Variants in CCDC192 observed in about 807,000 individuals in gnomAD.
CCDC192 encodes coiled-coil domain containing 192.
chr5:127,859,982 G>A (rs1419736967), intron 5 of CCDC192, among the ~76,000 whole-genome samples: 4 of 151,880 alleles, frequency 2.6e-5, no homozygotes, highest in South Asian at 2.1e-4. Flanking sequence ...AGTTTTGTGC[G>A]TACTGGAATG....
At chr5:127,816,715 C>A (rs1749041641) in intron 5 of CCDC192, among the ~76,000 whole-genome samples, 1 of 152,134 alleles carries the variant, frequency 6.6e-6, no homozygotes, top group Admixed American at 6.5e-5. Context: ...TGAATTCTGG[C>A]ATAAATGTTT....
chr5:127,777,537 G>A lies in CCDC192; in HGVS notation c.223-19566G>A, dbSNP rs556869332. On this transcript the variant is annotated intron_variant, in intron 3 of 6. Coordinates refer to ENST00000514853, the MANE Select transcript of CCDC192 (RefSeq NM_001317938.2). ...AGTTAAGACTTTTGGGGACTGTTGGGAAGGCACGATTGGTTTTGGAATGTG... is the reference window on the plus strand; with the variant it reads ...AGTTAAGACTTTTGGGGACTGTTGGAAAGGCACGATTGGTTTTGGAATGTG... 3.9e-5 allele frequency among the ~76,000 whole-genome samples: 6 copies of A among 152,324 alleles called. No homozygotes were observed. The South Asian group carries it at 1.0e-3, about 26-fold the overall frequency.
chr5:127,927,286 T>C (rs1162588843), intron 6 of CCDC192, among the ~76,000 whole-genome samples: 1 of 152,192 alleles, frequency 6.6e-6, no homozygotes, highest in African/African-American at 2.4e-5. Context: ...AACTGTTCTA[T>C]TTTACTATTA....
intron 5 of CCDC192, among the ~76,000 whole-genome samples, chr5:127,805,444 T>C (rs1757728186): frequency 6.6e-6 from 1 of 152,240 alleles, no homozygotes; most frequent in Non-Finnish European, 1.5e-5. Flanking sequence ...TTGCTGCATA[T>C]ATATGCCAAT....
intron 6 of CCDC192, among the ~76,000 whole-genome samples, chr5:127,939,892 C>T (rs1195751324): frequency 6.6e-6 from 1 of 152,184 alleles, no homozygotes; most frequent in East Asian, 1.9e-4. Context: ...GACCACGCAT[C>T]AGGTTCATTC....
At chr5:127,892,600 G>A (rs1474354332) in intron 6 of CCDC192, among the ~76,000 whole-genome samples, 2 of 152,102 alleles carry the variant, frequency 1.3e-5, no homozygotes, top group Admixed American at 6.5e-5. Context: ...TTTTATCTTT[G>A]TGAGCTCTAG....
At chr5:127,762,699 T>C (rs950769433) in intron 3 of CCDC192, among the ~76,000 whole-genome samples, 2 of 152,216 alleles carry the variant, frequency 1.3e-5, no homozygotes, top group Non-Finnish European at 2.9e-5. Flanking sequence ...AATGTGACTT[T>C]CTTGTCTTGG....
intron 3 of CCDC192, among the ~76,000 whole-genome samples, chr5:127,776,566 G>T (rs536137355): frequency 2.0e-5 from 3 of 152,200 alleles, no homozygotes; most frequent in Non-Finnish European, 4.4e-5. Context: ...AAGTAATGAG[G>T]AGCCAAATGT....
At chr5:127,784,963 T>G (rs1243283130) in intron 3 of CCDC192, 1 of 474,448 alleles carries the variant, frequency 2.1e-6, no homozygotes, top group African/African-American at 2.0e-5. Context: ...CAATTCCACC[T>G]CATCAGCATT....
chr5:127,706,437 G>C (rs985883952), intron 1 of CCDC192, among the ~76,000 whole-genome samples: 1 of 145,352 alleles, frequency 6.9e-6, no homozygotes, highest in Non-Finnish European at 1.5e-5. Context: ...TGAGGCAGTA[G>C]AATCACTTGA....
intron 2 of CCDC192, among the ~76,000 whole-genome samples, chr5:127,716,097 A>AG (rs1751608314): frequency 6.6e-6 from 1 of 152,100 alleles, no homozygotes; most frequent in Non-Finnish European, 1.5e-5. Flanking sequence ...TTTATCATGA[A>AG]GGGATGTTGC....
chr5:127,756,464 G>A (rs536147001), intron 3 of CCDC192, among the ~76,000 whole-genome samples: 116 of 152,280 alleles, frequency 7.6e-4, no homozygotes, highest in Non-Finnish European at 9.7e-4. Flanking sequence ...TCGAAGTTAG[G>A]TTTTCTTAAT....
chr5:127,754,494 T>C lies in CCDC192; in HGVS notation c.222+119T>C, dbSNP rs112111046. 5.9e-3 allele frequency: 1,812 copies of C among 308,958 alleles called. 1 individual carries two copies. The highest frequency in any genetic ancestry group is 7.5e-3 in the East Asian group (158 of 21,034). 19.1% of individuals were successfully genotyped at this position (308,958 alleles called of 1,614,324 possible). ...TGATACACACACACACACACACACA[T>C]ACACACACACACACACACATTGCAG... On this transcript the variant is annotated intron_variant, in intron 3 of 6. Transcript: ENST00000514853.
Position 127,892,706 on chromosome 5 carries a change from G to C in CCDC192, c.535+17045G>C, listed in dbSNP as rs112403863. Among the ~76,000 whole-genome samples the C allele has an allele frequency of 3.4e-4, 51 of 152,190 alleles. 1 individual carries two copies. The highest frequency in any genetic ancestry group is 1.2e-3 in the African/African-American group (48 of 41,504). On this transcript the variant is annotated intron_variant, in intron 6 of 6. Coordinates refer to ENST00000514853, the MANE Select transcript of CCDC192 (RefSeq NM_001317938.2). ...TGTGGCATTGTTCTAGAGAGAAATT[G>C]AATAATTATGAATTTAAATAAAGTA...
intron 3 of CCDC192, chr5:127,784,567 CA>C: frequency 2.1e-6 from 1 of 484,130 alleles, no homozygotes; most frequent in Non-Finnish European, 3.9e-6. Context: ...TTCTTTCCAA[CA>C]TGAACTATTT....
At chr5:127,773,708 G>T (rs1035916235) in intron 3 of CCDC192, among the ~76,000 whole-genome samples, 1 of 152,152 alleles carries the variant, frequency 6.6e-6, no homozygotes, top group Middle Eastern at 3.4e-3. Flanking sequence ...CCAACTTTTA[G>T]CTATTATGAA....
intron 6 of CCDC192, among the ~76,000 whole-genome samples, chr5:127,884,392 C>CA (rs372054209): frequency 0.028 from 2,843 of 101,712 alleles, 61 homozygotes; most frequent in Non-Finnish European, 0.042. Context: ...GACTGCATCT[C>CA]AAAAAAAAAA....
At chr5:127,748,928 G>T (rs371574923) in intron 2 of CCDC192, among the ~76,000 whole-genome samples, 2 of 151,774 alleles carry the variant, frequency 1.3e-5, no homozygotes, top group South Asian at 4.2e-4. Context: ...TTGGTGTATA[G>T]GAATGCCTGT....
chr5:127,906,404 G>T (rs1251007270), intron 6 of CCDC192, among the ~76,000 whole-genome samples: 4 of 152,138 alleles, frequency 2.6e-5, no homozygotes, highest in African/African-American at 9.7e-5. Context: ...AACACATTTT[G>T]TTCAACCAAT....
Sources: gnomAD v4.1 joint callset for allele counts (sites outside exome capture counted in the v4.1 genomes callset) on GRCh38, gnomAD v4.1.1 for gene constraint, MANE v1.5 for transcripts, NCBI Gene and HGNC (gene_info 2026-07-23, HGNC 2026-07-21) for gene names.